QKI: variants seen among roughly 807,000 people sequenced by gnomAD.
QKI encodes QKI, KH domain containing RNA binding, also known as KH domain-containing RNA-binding protein QKI.
Under a neutral mutation model 39.0 loss-of-function variants are expected in QKI, and 10 were observed. The observed-to-expected ratio is 0.26, with a 90% confidence interval of 0.16 to 0.43. The LOEUF is 0.43. Among genes scored for constraint, QKI ranks in the 20% least tolerant of loss-of-function variants. The pLI is 1.00. For synonymous variants in QKI, 204 were observed against 155.4 expected, an observed-to-expected ratio of 1.31 and a Z score of -2.33; for missense variants, 218 against 428.0, an observed-to-expected ratio of 0.51 and a Z score of 4.33.
intron 1 of QKI, among the ~76,000 whole-genome samples, chr6:163,431,061 A>G (rs1203662050): frequency 6.6e-6 from 1 of 152,134 alleles, no homozygotes; most frequent in Non-Finnish European, 1.5e-5. Context: ...GTTAAGGGAA[A>G]TTTTAGGGGA....
At chr6:163,474,708 G>C (rs985609067) in intron 2 of QKI, among the ~76,000 whole-genome samples, 2 of 151,362 alleles carry the variant, frequency 1.3e-5, no homozygotes, top group East Asian at 1.9e-4. Flanking sequence ...GGGGTGGAGT[G>C]GGGGTGAGGA....
At chr6:163,544,445 G>A (rs1781744048) in intron 4 of QKI, among the ~76,000 whole-genome samples, 1 of 152,000 alleles carries the variant, frequency 6.6e-6, no homozygotes, top group African/African-American at 2.4e-5. Flanking sequence ...GCTCTCCCCT[G>A]TCTCTCAAAA....
chr6:163,532,942 T>C (rs1056272247), intron 3 of QKI, among the ~76,000 whole-genome samples: 9 of 152,174 alleles, frequency 5.9e-5, no homozygotes, highest in Non-Finnish European at 1.2e-4. Context: ...CTTAGTTGTC[T>C]GATGTCCAGT....
intron 1 of QKI, among the ~76,000 whole-genome samples, chr6:163,433,936 T>C (rs1020947623): frequency 1.3e-5 from 2 of 152,232 alleles, no homozygotes; most frequent in Admixed American, 1.3e-4. Flanking sequence ...CTGCCTGTGA[T>C]GCAGTATACT....
chr6:163,563,115 T>C (rs116331547), intron 5 of QKI, among the ~76,000 whole-genome samples: 1,598 of 152,356 alleles, frequency 0.01, 31 homozygotes, highest in African/African-American at 0.035. Flanking sequence ...GCATGTACTT[T>C]AGTCTTATGA....
chr6:163,455,055 T>C (rs927669888), intron 1 of QKI, among the ~76,000 whole-genome samples: 2 of 151,996 alleles, frequency 1.3e-5, no homozygotes, highest in South Asian at 2.1e-4. Context: ...TAATAAGATA[T>C]GTTATTTGAT....
intron 1 of QKI, among the ~76,000 whole-genome samples, chr6:163,433,134 CTT>C (rs1284009595): frequency 2.0e-5 from 3 of 152,148 alleles, no homozygotes; most frequent in Non-Finnish European, 4.4e-5. Context: ...CAAAGTGAAA[CTT>C]TTTCATTTGA....
chr6:163,424,750 G>C (rs1788278888), intron 1 of QKI, among the ~76,000 whole-genome samples: 1 of 151,506 alleles, frequency 6.6e-6, no homozygotes, highest in African/African-American at 2.4e-5. Flanking sequence ...TCCTGCCTCA[G>C]CCTCCCGAGT....
intron 4 of QKI, among the ~76,000 whole-genome samples, chr6:163,551,809 T>G (rs907068683): frequency 6.6e-6 from 1 of 152,232 alleles, no homozygotes; most frequent in Non-Finnish European, 1.5e-5. Flanking sequence ...TTGGAAGTCT[T>G]GTAAGAGCAG....
intron 2 of QKI, chr6:163,457,663 AG>A (rs1791022175): frequency 9.1e-6 from 3 of 327,882 alleles, no homozygotes; most frequent in Non-Finnish European, 1.8e-5. Flanking sequence ...GAGAGGGGAC[AG>A]GGTCAGCCAG....
chr6:163,522,767 A>G (rs190981671), intron 3 of QKI, among the ~76,000 whole-genome samples: 4 of 152,282 alleles, frequency 2.6e-5, no homozygotes, highest in Admixed American at 2.0e-4. Context: ...ATTCCTGAAC[A>G]TCGTCATAAA....
chr6:163,539,516 C>T (rs1474378510), intron 4 of QKI, among the ~76,000 whole-genome samples: 2 of 152,092 alleles, frequency 1.3e-5, no homozygotes, highest in Admixed American at 6.6e-5. Flanking sequence ...CTCAGTCATC[C>T]AGCCTCATGG....
chr6:163,439,207 G>T (rs1332312953), intron 1 of QKI, among the ~76,000 whole-genome samples: 1 of 152,082 alleles, frequency 6.6e-6, no homozygotes, highest in African/African-American at 2.4e-5. Context: ...AGGAACTACT[G>T]CATTAATAAT....
rs142282450 is a variant in QKI at position 163,576,334 on chromosome 6, T to C, written c.*5624T>C. On this transcript the variant is annotated 3_prime_UTR_variant, in exon 8 of 8. Coordinates refer to ENST00000361752, the MANE Select transcript of QKI (RefSeq NM_006775.3). ...GGGGTGGGGGAGAAGGCGAATGAAT[T>C]AATTCATAGTAGAAGGAGGCGATAG... 18 of 152,228 alleles carry C rather than the reference T, an allele frequency of 1.2e-4. No homozygotes were observed. The highest frequency in any genetic ancestry group is 4.3e-4 in the African/African-American group (18 of 41,414). 9.4% of individuals were successfully genotyped at this position (152,228 alleles called of 1,614,324 possible). A position where few individuals can be genotyped will look rare whatever the true frequency, so the allele number is the denominator to read the frequency against.
At chr6:163,550,275 C>T (rs950848615) in intron 4 of QKI, among the ~76,000 whole-genome samples, 6 of 152,218 alleles carry the variant, frequency 3.9e-5, no homozygotes, top group South Asian at 2.1e-4. Flanking sequence ...CTAGTGTGTT[C>T]GCCCAGGTCT....
At chr6:163,430,127 G>A (rs1048648948) in intron 1 of QKI, among the ~76,000 whole-genome samples, 2 of 152,176 alleles carry the variant, frequency 1.3e-5, no homozygotes, top group Non-Finnish European at 2.9e-5. Context: ...AACATTCTGA[G>A]TAGGAAGGTG....
chr6:163,545,562 C>G (rs936893442), intron 4 of QKI, among the ~76,000 whole-genome samples: 1 of 152,098 alleles, frequency 6.6e-6, no homozygotes, highest in Non-Finnish European at 1.5e-5. Context: ...AGGGCTTTTC[C>G]TTAAACTTGG....
At chr6:163,505,166 C>G (rs182281402) in intron 3 of QKI, among the ~76,000 whole-genome samples, 1 of 152,134 alleles carries the variant, frequency 6.6e-6, no homozygotes, top group Non-Finnish European at 1.5e-5. Flanking sequence ...GAATCTTTGC[C>G]TAGATTTCAG....
intron 7 of QKI, chr6:163,567,925 C>T: frequency 1.0e-6 from 1 of 985,290 alleles, no homozygotes; most frequent in Non-Finnish European, 1.2e-6. Context: ...AGCTGTTGTC[C>T]ACATCAGAAA....
Sources: gnomAD v4.1 joint callset for allele counts (sites outside exome capture counted in the v4.1 genomes callset) on GRCh38, gnomAD v4.1.1 for gene constraint, MANE v1.5 for transcripts, NCBI Gene and HGNC (gene_info 2026-07-23, HGNC 2026-07-21) for gene names.